Variants in ADAMTS4 observed in about 807,000 individuals in gnomAD.
ADAMTS4 encodes A disintegrin and metalloproteinase with thrombospondin motifs 4.
ADAMTS4 carries 38 observed loss-of-function variants against 66.7 expected under a neutral mutation model. That is an observed-to-expected ratio of 0.57 (90% CI 0.44 to 0.75). The LOEUF is 0.75. Ranked by LOEUF, ADAMTS4 falls within the 30% of genes least tolerant of loss-of-function variation. The pLI is 0.00. For synonymous variants in ADAMTS4, 418 were observed against 461.5 expected, an observed-to-expected ratio of 0.91 and a Z score of 1.21; for missense variants, 1,014 against 1,116.7, an observed-to-expected ratio of 0.91 and a Z score of 1.31.
At position 161,198,423 on chromosome 1, in the gene ADAMTS4, C is replaced by T. The variant is rs1403327956; in HGVS notation, c.205G>A (p.Gly69Ser). 7.5e-6 allele frequency: 12 copies of T among 1,597,036 alleles called. No individual in the cohort carries two copies. Among genetic ancestry groups the T allele is most frequent in the African/African-American group, 5.4e-5 (4 of 74,420 alleles). Residue 69 changes from glycine (G) to serine (S), a missense_variant, in exon 1 of 9, where the codon GGC (glycine) becomes AGC (serine). Transcript: ENST00000367996. The surrounding 1 kb of genome is among the most constrained non-coding windows in gnomAD (Gnocchi z 4.7). Reference protein sequence around the residue: ...EEIVFPEKLNGSVLPGSGAPA... With the variant: ...EEIVFPEKLNSSVLPGSGAPA... ...GCGCCCGAGCCAGGCAGGACGCTGC[C>T]GTTGAGCTTCTCTGGAAACACGATC...
Position 161,190,680 on chromosome 1 carries a change from A to T in ADAMTS4, c.*458T>A, listed in dbSNP as rs1178821050. On this transcript the variant is annotated 3_prime_UTR_variant, in exon 9 of 9. Transcript: ENST00000367996. Reference sequence around the variant, plus strand: ...AGCACACACACATTTTCACACACACACACACGCATACACACACCACTTATA... The same window carrying T: ...AGCACACACACATTTTCACACACACTCACACGCATACACACACCACTTATA... 6.6e-6 allele frequency: 1 copy of T among 151,820 alleles called. No individual in the cohort carries two copies. Among genetic ancestry groups the T allele is most frequent in the Non-Finnish European group, 1.5e-5 (1 of 67,642 alleles). The allele number at this position is 151,820 out of a possible 1,614,324, so 9.4% of individuals were successfully genotyped here.
rs569554491 is a variant in ADAMTS4, at chr1:161,194,137, C to T, written c.1346G>A (p.Cys449Tyr). Reference protein sequence around the residue: ...PGKDYDADRQCQLTFGPDSRH... With the variant: ...PGKDYDADRQYQLTFGPDSRH... ...TGAGTCGGGCCCGAAGGTCAGCTGGCACTGGCGGTCAGCATCATAGTCCTT... is the reference window on the plus strand; with the variant it reads ...TGAGTCGGGCCCGAAGGTCAGCTGGTACTGGCGGTCAGCATCATAGTCCTT... Residue 449 changes from cysteine to tyrosine, a missense_variant, in exon 5 of 9, where the codon TGC becomes TAC. Physicochemically the swap from Cys to Tyr is radical, Grantham distance 194. Transcript: ENST00000367996. This position sits in a 1 kb window ranked among gnomAD's most constrained non-coding sequence, Gnocchi z 4.1. The T allele has an allele frequency of 6.2e-7, 1 of 1,614,214 alleles. No individual in the cohort carries two copies. The highest frequency in any genetic ancestry group is 1.3e-5 in the African/African-American group (1 of 75,056).
At position 161,193,899 on chromosome 1, in the gene ADAMTS4, C is replaced by T. The variant is rs377189852; in HGVS notation, c.1548+36G>A. ...GGCTTAAGGCCAGTCCCCACACCCC[C>T]GGGCCCTTTACCCCACCCCTGCCCT... On this transcript the variant is annotated intron_variant, in intron 5 of 8. Coordinates refer to ENST00000367996, the MANE Select transcript of ADAMTS4 (RefSeq NM_005099.6). This position sits in a 1 kb window ranked among gnomAD's most constrained non-coding sequence, Gnocchi z 4.4. 76 of 1,563,060 alleles carry T rather than the reference C, an allele frequency of 4.9e-5. No individual in the cohort carries two copies. The African/African-American group carries it at 5.0e-4, about 10-fold the overall frequency.
chr1:161,193,331 T>C lies in ADAMTS4; in HGVS notation c.1793A>G (p.Lys598Arg), dbSNP rs765047810. 5.6e-6 allele frequency: 9 copies of C among 1,613,990 alleles called. No individual in the cohort carries two copies. The South Asian group carries it at 9.9e-5, about 18-fold the overall frequency. Residue 598 changes from lysine (K) to arginine (R), a missense_variant, in exon 7 of 9, where the codon AAG becomes AGG. Coordinates refer to ENST00000367996, the MANE Select transcript of ADAMTS4 (RefSeq NM_005099.6). This position sits in a 1 kb window ranked among gnomAD's most constrained non-coding sequence, Gnocchi z 4.4. The stretch of plus-strand genomic sequence containing the variant: ...CCAGTCCATGGGCCCTGGGAAGCTC[T>C]TGAAGAGGTCGGTGCGGTGGTTGTA... ...AAYNHRTDLF[K>R]SFPGPMDWVP...
rs1350655756 is a variant in ADAMTS4, at chr1:161,198,192, C to T, written c.436G>A (p.Gly146Arg). Residue 146 changes from glycine to arginine, a missense_variant, in exon 1 of 9, where the codon GGG (glycine) becomes AGG (arginine). Physicochemically the swap from Gly to Arg is moderately radical, Grantham distance 125. Coordinates refer to ENST00000367996, the MANE Select transcript of ADAMTS4 (RefSeq NM_005099.6). The surrounding 1 kb of genome is among the most constrained non-coding windows in gnomAD (Gnocchi z 4.7). ...PESVASLHWDGGALLGVLQYR... is the reference protein window; with the variant it reads ...PESVASLHWDRGALLGVLQYR... ...TGTAACACGCCTAACAGGGCTCCCC[C>T]ATCCCAGTGCAGAGATGCCACCGAC... is the stretch of plus-strand genomic sequence containing the variant. 1.9e-6 allele frequency: 3 copies of T among 1,614,108 alleles called. No homozygotes were observed. Among genetic ancestry groups the T allele is most frequent in the Non-Finnish European group, 2.5e-6 (3 of 1,179,990 alleles).
At position 161,192,230 on chromosome 1, in the gene ADAMTS4, C is replaced by T; in HGVS notation, c.1922G>A (p.Gly641Glu). 1 of 1,613,186 alleles carries T rather than the reference C, an allele frequency of 6.2e-7. No individual in the cohort carries two copies. Reference sequence around the variant, plus strand: ...GGAGCTGTCCGGGGAACAGGGGGTCCCATCTACCACCTGAGGAAAAGAGAA... The same window carrying T: ...GGAGCTGTCCGGGGAACAGGGGGTCTCATCTACCACCTGAGGAAAAGAGAA... ...YYVLEPRVVD[G>E]TPCSPDSSSV... Residue 641 changes from glycine to glutamate, a missense_variant, in exon 8 of 9, where the codon GGG becomes GAG. Transcript: ENST00000367996.
Position 161,195,525 on chromosome 1 carries a change from C to T in ADAMTS4, c.1201G>A (p.Glu401Lys), listed in dbSNP as rs763911721. The T allele has an allele frequency of 6.2e-7, 1 of 1,613,942 alleles. No individual in the cohort carries two copies. The highest frequency in any genetic ancestry group is 1.7e-5 in the Admixed American group (1 of 59,988). Residue 401 changes from glutamate to lysine, a missense_variant, in exon 4 of 9, where the codon GAG (glutamate) becomes AAG (lysine). Physicochemically the swap from Glu to Lys is moderately conservative, Grantham distance 56 (BLOSUM62 1). Coordinates refer to ENST00000367996, the MANE Select transcript of ADAMTS4 (RefSeq NM_005099.6). ...GCACTGCAGGGGGACCAGGGCTCCT[C>T]AGGATCCACATGAGCCATCACAGGG... ...MAPVMAHVDP[E>K]EPWSPCSARF... is the part of the protein sequence containing the mutation.
Position 161,191,102 on chromosome 1 carries a change from C to A in ADAMTS4, c.*36G>T, listed in dbSNP as rs202054746. The A allele has an allele frequency of 9.5e-5, 143 of 1,512,720 alleles. 1 individual carries two copies. The African/African-American group carries it at 1.7e-3, about 18-fold the overall frequency. The allele number at this position is 1,512,720 out of a possible 1,614,324, so 93.7% of individuals were successfully genotyped here. A position where few individuals can be genotyped will look rare whatever the true frequency, so the allele number is the denominator to read the frequency against. On this transcript the variant is annotated 3_prime_UTR_variant, in exon 9 of 9. Transcript: ENST00000367996. ...CTCTTTCTCCCAGCTAAGTCCGAGGCCCCGGTGCCCAGAAAGGGCAGCCGG... is the reference window on the plus strand; with the variant it reads ...CTCTTTCTCCCAGCTAAGTCCGAGGACCCGGTGCCCAGAAAGGGCAGCCGG...
In ADAMTS4 at chr1:161,193,160, C is replaced by T; in HGVS notation, c.1911+53G>A. 1 of 1,542,294 alleles carries T rather than the reference C, an allele frequency of 6.5e-7. No homozygotes were observed. The highest frequency in any genetic ancestry group is 8.8e-7 in the Non-Finnish European group (1 of 1,138,536). On this transcript the variant is annotated intron_variant, in intron 7 of 8. Coordinates refer to ENST00000367996, the MANE Select transcript of ADAMTS4 (RefSeq NM_005099.6). The surrounding 1 kb of genome is among the most constrained non-coding windows in gnomAD (Gnocchi z 4.4). ...CTTTGTTATCAGAAAGCAGAGGGAG[C>T]ACTGCGGGTGTGTGTGACCATAGAC...
Position 161,191,355 on chromosome 1 carries a change from G to A in ADAMTS4, c.2297C>T (p.Ala766Val). Residue 766 changes from alanine (A) to valine (V), a missense_variant, in exon 9 of 9, where the codon GCA (alanine) becomes GTA (valine). Physicochemically the swap from Ala to Val is moderately conservative, Grantham distance 64. Coordinates refer to ENST00000367996, the MANE Select transcript of ADAMTS4 (RefSeq NM_005099.6). ...ATGGCCTGACAGTGTCTCTGAGGCT[G>A]CAGTGGCCCCGCTGTAGCGCAAGCT... Reference protein sequence around the residue: ...AVSLRYSGATAASETLSGHGP... With the variant: ...AVSLRYSGATVASETLSGHGP... 1 of 1,613,966 alleles carries A rather than the reference G, an allele frequency of 6.2e-7. No individual in the cohort carries two copies. Among genetic ancestry groups the A allele is most frequent in the Non-Finnish European group, 8.5e-7 (1 of 1,180,018 alleles).
At position 161,193,346 on chromosome 1, in the gene ADAMTS4, C is replaced by T. The variant is rs780697413; in HGVS notation, c.1778G>A (p.Arg593His). Residue 593 changes from arginine to histidine, a missense_variant, in exon 7 of 9, where the codon CGC (arginine) becomes CAC (histidine). Physicochemically the swap from Arg to His is conservative, Grantham distance 29 (BLOSUM62 0). Transcript: ENST00000367996. This position sits in a 1 kb window ranked among gnomAD's most constrained non-coding sequence, Gnocchi z 4.4. The part of the protein sequence containing the change: ...REEQCAAYNH[R>H]TDLFKSFPGP... ...TGGGAAGCTCTTGAAGAGGTCGGTG[C>T]GGTGGTTGTAGGCAGCACACTGCTC... 1.3e-5 allele frequency: 21 copies of T among 1,613,850 alleles called. No individual in the cohort carries two copies. The highest frequency in any genetic ancestry group is 1.7e-5 in the Admixed American group (1 of 59,994).
In ADAMTS4 at chr1:161,191,354, T is replaced by C. The variant is rs1664674457; in HGVS notation, c.2298A>G (p.Ala766=). ...AVSLRYSGAT[A]ASETLSGHGP... is the part of the protein sequence containing the mutation. ...CATGGCCTGACAGTGTCTCTGAGGC[T>C]GCAGTGGCCCCGCTGTAGCGCAAGC... The change falls in exon 9 of 9, where the codon GCA becomes GCG. Residue 766 remains alanine, a synonymous_variant. Coordinates refer to ENST00000367996, the MANE Select transcript of ADAMTS4 (RefSeq NM_005099.6). The C allele has an allele frequency of 6.2e-7, 1 of 1,614,026 alleles. No homozygotes were observed. The highest frequency in any genetic ancestry group is 1.1e-5 in the South Asian group (1 of 91,086).
chr1:161,194,068 C>A lies in ADAMTS4; in HGVS notation c.1415G>T (p.Cys472Phe). 6.2e-7 allele frequency: 1 copy of A among 1,614,200 alleles called. No individual in the cohort carries two copies. The highest frequency in any genetic ancestry group is 8.5e-7 in the Non-Finnish European group (1 of 1,180,032). The change falls in exon 5 of 9, where the codon TGC (cysteine) becomes TTC (phenylalanine). Residue 472 changes from cysteine (C) to phenylalanine (F), a missense_variant. Cys to Phe is a radical substitution (Grantham distance 205). Coordinates refer to ENST00000367996, the MANE Select transcript of ADAMTS4 (RefSeq NM_005099.6). The surrounding 1 kb of genome is among the most constrained non-coding windows in gnomAD (Gnocchi z 4.1). ...GGCATGGCCATTGAGGTGGCCAGAGCACCAGAGGGCAGCACAGGGCGGCGG... is the reference window on the plus strand; with the variant it reads ...GGCATGGCCATTGAGGTGGCCAGAGAACCAGAGGGCAGCACAGGGCGGCGG... ...QLPPPCAALW[C>F]SGHLNGHAMC...
rs187916997 is a variant in ADAMTS4, at chr1:161,187,124, C to A, written c.*4014G>T. 4 of 152,344 alleles carry A rather than the reference C, an allele frequency of 2.6e-5. No homozygotes were observed. Among genetic ancestry groups the A allele is most frequent in the African/African-American group, 7.2e-5 (3 of 41,576 alleles). The allele number at this position is 152,344 out of a possible 1,614,324, so 9.4% of individuals were successfully genotyped here. ...CCCTCATAGTCCATTCAGTTCAGGG[C>A]TCATTAGGCTCTTATCTTCTAGTCC... On this transcript the variant is annotated 3_prime_UTR_variant, in exon 9 of 9. Transcript: ENST00000367996.
At position 161,196,709 on chromosome 1, in the gene ADAMTS4, G is replaced by A; in HGVS notation, c.805C>T (p.Leu269=). 1.2e-6 allele frequency: 2 copies of A among 1,613,998 alleles called. No homozygotes were observed. Among genetic ancestry groups the A allele is most frequent in the Non-Finnish European group, 1.7e-6 (2 of 1,180,026 alleles). ...RNPVSLVVTR[L]VILGSGEEGP... is the part of the protein sequence containing the mutation. Reference sequence around the variant, plus strand: ...TCCTCGCCTGACCCCAGGATCACTAGCCGAGTCACCACCAAGCTGACAGGA... The same window carrying A: ...TCCTCGCCTGACCCCAGGATCACTAACCGAGTCACCACCAAGCTGACAGGA... The change falls in exon 2 of 9, where the codon CTA becomes TTA. Residue 269 remains leucine, a synonymous_variant. Transcript: ENST00000367996.
In ADAMTS4 at chr1:161,184,735, T is replaced by C. The variant is rs991925389; in HGVS notation, c.*6403A>G. 6.6e-6 allele frequency: 1 copy of C among 152,138 alleles called. No individual in the cohort carries two copies. Among genetic ancestry groups the C allele is most frequent in the African/African-American group, 2.4e-5 (1 of 41,408 alleles). 9.4% of individuals were successfully genotyped at this position (152,138 alleles called of 1,614,324 possible). A position where few individuals can be genotyped will look rare whatever the true frequency, so the allele number is the denominator to read the frequency against. ...GCATCTATATTATCAACAGAATGTGTTGGCCAGGCACCCTGGCTCACACCT... is the reference window on the plus strand; with the variant it reads ...GCATCTATATTATCAACAGAATGTGCTGGCCAGGCACCCTGGCTCACACCT... On this transcript the variant is annotated 3_prime_UTR_variant, in exon 9 of 9. Transcript: ENST00000367996.
Position 161,186,620 on chromosome 1 carries a change from G to A in ADAMTS4, c.*4518C>T, listed in dbSNP as rs1442373691. ...AGCTACTTAGGAGGCTGAGGTGGGA[G>A]GATTACTCGAGCCCAGGAGTTCAAG... On this transcript the variant is annotated 3_prime_UTR_variant, in exon 9 of 9. Transcript: ENST00000367996. 3.3e-5 allele frequency: 5 copies of A among 152,254 alleles called. No individual in the cohort carries two copies. Among genetic ancestry groups the A allele is most frequent in the African/African-American group, 1.2e-4 (5 of 41,452 alleles). The allele number at this position is 152,254 out of a possible 1,614,324, so 9.4% of individuals were successfully genotyped here. A position where few individuals can be genotyped will look rare whatever the true frequency, so the allele number is the denominator to read the frequency against.
chr1:161,198,343 C>A lies in ADAMTS4; in HGVS notation c.285G>T (p.Glu95Asp), dbSNP rs1244179168. 6.2e-7 allele frequency: 1 copy of A among 1,613,366 alleles called. No individual in the cohort carries two copies. Among genetic ancestry groups the A allele is most frequent in the Admixed American group, 1.7e-5 (1 of 60,026 alleles). ...CCTGCACACCGGAGTCCTGCTCCAG[C>A]TCTAGTAGCAGCGTCTCCCCAAAGG... ...LQAFGETLLL[E>D]LEQDSGVQVE... The change falls in exon 1 of 9, where the codon GAG (glutamate) becomes GAT (aspartate). Residue 95 changes from glutamate to aspartate, a missense_variant. Glu to Asp is a conservative substitution (Grantham distance 45, BLOSUM62 2). Transcript: ENST00000367996. This position sits in a 1 kb window ranked among gnomAD's most constrained non-coding sequence, Gnocchi z 4.7.
Position 161,194,163 on chromosome 1 carries a change from G to T in ADAMTS4, c.1320C>A (p.Gly440=), listed in dbSNP as rs1664757473. ...ACTGGCGGTCAGCATCATAGTCCTT[G>T]CCAGGGAAAGTCACAGGCAGATGCA... ...APLHLPVTFP[G]KDYDADRQCQ... Residue 440 remains glycine, a synonymous_variant, in exon 5 of 9, where the codon GGC becomes GGA. Coordinates refer to ENST00000367996, the MANE Select transcript of ADAMTS4 (RefSeq NM_005099.6). This position sits in a 1 kb window ranked among gnomAD's most constrained non-coding sequence, Gnocchi z 4.1. 6.2e-7 allele frequency: 1 copy of T among 1,614,174 alleles called. No individual in the cohort carries two copies. The highest frequency in any genetic ancestry group is 8.5e-7 in the Non-Finnish European group (1 of 1,180,020).
Sources: gnomAD v4.1 joint callset for allele counts on GRCh38, gnomAD v4.1.1 for gene constraint, Gnocchi (gnomAD v3.1) non-coding constraint, MANE v1.5 for transcripts, NCBI Gene and HGNC (gene_info 2026-07-23, HGNC 2026-07-21) for gene names.